MTMR3: variants seen among roughly 807,000 people sequenced by gnomAD.
The protein encoded by MTMR3 is phosphatidylinositol-3,5-bisphosphate 3-phosphatase MTMR3.
A neutral mutation model predicts 132.4 loss-of-function variants in MTMR3; 32 were observed. The ratio of observed to expected loss-of-function variants is 0.24; its 90% CI spans 0.18 to 0.32. MTMR3 has a LOEUF of 0.32. Among genes scored for constraint, MTMR3 ranks in the 10% least tolerant of loss-of-function variants. The pLI, the probability that MTMR3 is intolerant of heterozygous loss-of-function variation, is 1.00. For missense variants in MTMR3, 1,216 were observed against 1,489.6 expected, an observed-to-expected ratio of 0.82 and a Z score of 3.02; for synonymous variants, 556 against 550.3, an observed-to-expected ratio of 1.01 and a Z score of -0.14.
chr22:30,020,759 A>G lies in MTMR3; in HGVS notation c.3100A>G (p.Ile1034Val), dbSNP rs762155768. The G allele has an allele frequency of 1.2e-6, 2 of 1,614,194 alleles. No individual in the cohort carries two copies. Among genetic ancestry groups the G allele is most frequent in the Non-Finnish European group, 1.7e-6 (2 of 1,180,032 alleles). ...TDTIQQRLRQ[I>V]ESGHQQEVET... is the part of the protein sequence containing the mutation. ...CACGATCCAACAGCGCCTGCGTCAG[A>G]TTGAGTCAGGCCACCAGCAGGAAGT... is the stretch of plus-strand genomic sequence containing the variant. The change falls in exon 17 of 20, where the codon ATT (isoleucine) becomes GTT (valine). Residue 1034 changes from isoleucine (I) to valine (V), a missense_variant. Ile to Val is a conservative substitution (Grantham distance 29, BLOSUM62 3). Coordinates refer to ENST00000401950, the MANE Select transcript of MTMR3 (RefSeq NM_021090.4).
intron 2 of MTMR3, among the ~76,000 whole-genome samples, chr22:29,963,111 T>A (rs76338810): frequency 0.011 from 1,618 of 151,916 alleles, 33 homozygotes; most frequent in African/African-American, 0.038. Context: ...TATCTTTTTT[T>A]CTTTTATTAT....
chr22:29,887,253 ATGT>A (rs2064696994), intron 1 of MTMR3, among the ~76,000 whole-genome samples: 1 of 152,162 alleles, frequency 6.6e-6, no homozygotes, highest in Non-Finnish European at 1.5e-5. Context: ...TTCATTACCC[ATGT>A]TGTTTCTGGC....
chr22:29,912,827 A>T lies in MTMR3; in HGVS notation c.-138+29468A>T, dbSNP rs556017985. On this transcript the variant is annotated intron_variant, in intron 1 of 19. Transcript: ENST00000401950. ...AAGATTGTGGTAAGCTAAGTATTTGAGATGTCTGTGCTACATCATCCAACT... is the reference window on the plus strand; with the variant it reads ...AAGATTGTGGTAAGCTAAGTATTTGTGATGTCTGTGCTACATCATCCAACT... 2.0e-5 allele frequency among the ~76,000 whole-genome samples: 3 copies of T among 152,344 alleles called. No individual in the cohort carries two copies. In the East Asian group the frequency reaches 5.8e-4, roughly 29 times the overall value.
Position 29,924,478 on chromosome 22 carries a change from T to A in MTMR3, c.-137-32558T>A, listed in dbSNP as rs564249435. On this transcript the variant is annotated intron_variant, in intron 1 of 19. Transcript: ENST00000401950. The stretch of plus-strand genomic sequence containing the variant: ...TTGTTTACTGCAGCTTTGTAGTAAG[T>A]TTTGCAGTCAGTTAGTGTGAGTTCT... Among the ~76,000 whole-genome samples the A allele has an allele frequency of 2.0e-5, 3 of 152,334 alleles. No homozygotes were observed. In the East Asian group the frequency reaches 5.8e-4, roughly 29 times the overall value.
In MTMR3 at chr22:29,978,425, GT is replaced by G. The variant is rs754999453; in HGVS notation, c.4-13del. On this transcript the variant is annotated splice_polypyrimidine_tract_variant and intron_variant, in intron 3 of 19. Coordinates refer to ENST00000401950, the MANE Select transcript of MTMR3 (RefSeq NM_021090.4). ...TTAGAAGCTTTGAAATTATTTTAAG[GT>G]TTTGGACTTTTCCAGGATGAAGAGA... is the stretch of plus-strand genomic sequence containing the variant. The G allele has an allele frequency of 3.8e-6, 6 of 1,597,402 alleles. No individual in the cohort carries two copies. The highest frequency in any genetic ancestry group is 5.1e-6 in the Non-Finnish European group (6 of 1,168,316).
chr22:30,006,028 C>A (rs560695016), intron 9 of MTMR3: 2 of 152,202 alleles, frequency 1.3e-5, no homozygotes, highest in African/African-American at 4.8e-5. Context: ...TGTTAATTGT[C>A]GTACAATAAG....
At chr22:29,916,074 T>C (rs1368389869) in intron 1 of MTMR3, among the ~76,000 whole-genome samples, 1 of 152,252 alleles carries the variant, frequency 6.6e-6, no homozygotes, top group African/African-American at 2.4e-5. Flanking sequence ...CATTTTACTT[T>C]TGGATATGTT....
At chr22:29,941,653 C>G (rs547644652) in intron 1 of MTMR3, among the ~76,000 whole-genome samples, 10 of 152,276 alleles carry the variant, frequency 6.6e-5, no homozygotes, top group African/African-American at 2.4e-4. Context: ...TCCCTGATGA[C>G]TGATTTGAGA....
intron 1 of MTMR3, among the ~76,000 whole-genome samples, chr22:29,925,835 A>T (rs1221065118): frequency 6.6e-6 from 1 of 152,184 alleles, no homozygotes; most frequent in Non-Finnish European, 1.5e-5. Flanking sequence ...GAATCACTTG[A>T]ACTCAAGATG....
In MTMR3 at chr22:29,948,862, T is replaced by C. The variant is rs184286025; in HGVS notation, c.-137-8174T>C. Among the ~76,000 whole-genome samples the C allele has an allele frequency of 3.7e-3, 564 of 151,158 alleles. 1 individual carries two copies. Among genetic ancestry groups the C allele is most frequent in the Non-Finnish European group, 6.2e-3 (418 of 67,858 alleles). ...ACTCATGCCTGTAATTCCAACACTT[T>C]GGGAGGCTGAGGCAGGAGGATTGCT... On this transcript the variant is annotated intron_variant, in intron 1 of 19. Coordinates refer to ENST00000401950, the MANE Select transcript of MTMR3 (RefSeq NM_021090.4).
In MTMR3 at chr22:30,019,793, A is replaced by G. The variant is rs555413140; in HGVS notation, c.2134A>G (p.Ile712Val). 1 of 1,614,222 alleles carries G rather than the reference A, an allele frequency of 6.2e-7. No individual in the cohort carries two copies. Among genetic ancestry groups the G allele is most frequent in the South Asian group, 1.1e-5 (1 of 91,092 alleles). Reference sequence around the variant, plus strand: ...AGAGGAACCTGCCCACAGGGCAGGCATTGAGATACAGGAGGGTAAAGAGGA... The same window carrying G: ...AGAGGAACCTGCCCACAGGGCAGGCGTTGAGATACAGGAGGGTAAAGAGGA... ...GVEEPAHRAG[I>V]EIQEGKEDPL... The change falls in exon 17 of 20, where the codon ATT (isoleucine) becomes GTT (valine). Residue 712 changes from isoleucine (I) to valine (V), a missense_variant. Ile to Val is a conservative substitution (Grantham distance 29). Coordinates refer to ENST00000401950, the MANE Select transcript of MTMR3 (RefSeq NM_021090.4).
chr22:29,974,476 A>G (rs960054677), intron 3 of MTMR3, among the ~76,000 whole-genome samples: 1 of 152,242 alleles, frequency 6.6e-6, no homozygotes, highest in Admixed American at 6.5e-5. Context: ...TAGCTTTTAA[A>G]AAGAACATTT....
chr22:29,927,939 GTTTTTTTTT>G (rs764629136), intron 1 of MTMR3, among the ~76,000 whole-genome samples: 1 of 107,374 alleles, frequency 9.3e-6, no homozygotes, highest in Non-Finnish European at 1.8e-5. Flanking sequence ...TCTAGCCTTT[GTTTTTTTTT>G]TTTTTTTTTT....
chr22:29,923,368 A>G (rs1035981827), intron 1 of MTMR3, among the ~76,000 whole-genome samples: 1 of 151,110 alleles, frequency 6.6e-6, no homozygotes, highest in African/African-American at 2.4e-5. Flanking sequence ...CACTGTGCCC[A>G]GCTTGTATTT....
intron 2 of MTMR3, among the ~76,000 whole-genome samples, chr22:29,966,677 T>C (rs777161418): frequency 6.6e-5 from 10 of 151,978 alleles, no homozygotes; most frequent in Middle Eastern, 3.2e-3. Flanking sequence ...TTTTCAAAAA[T>C]AAAAGGTTAG....
In MTMR3 at chr22:30,012,566, G is replaced by A. The variant is rs1398192278; in HGVS notation, c.1317+3G>A. The A allele has an allele frequency of 1.3e-6, 2 of 1,594,522 alleles. No individual in the cohort carries two copies. Among genetic ancestry groups the A allele is most frequent in the Admixed American group, 1.8e-5 (1 of 56,502 alleles). On this transcript the variant is annotated splice_donor_region_variant and intron_variant, in intron 13 of 19. Coordinates refer to ENST00000401950, the MANE Select transcript of MTMR3 (RefSeq NM_021090.4). ...ACCCTTATTACCGAACCATAGAGGTGAGCCCATCCAAATGGGAGGGGTTGG... is the reference window on the plus strand; with the variant it reads ...ACCCTTATTACCGAACCATAGAGGTAAGCCCATCCAAATGGGAGGGGTTGG...
At chr22:29,916,888 A>G (rs541979380) in intron 1 of MTMR3, among the ~76,000 whole-genome samples, 1 of 152,276 alleles carries the variant, frequency 6.6e-6, no homozygotes, top group Admixed American at 6.5e-5. Context: ...CTGCTACTTT[A>G]CCAATTGCTC....
intron 1 of MTMR3, among the ~76,000 whole-genome samples, chr22:29,928,147 G>A (rs1168503048): frequency 6.7e-6 from 1 of 148,646 alleles, no homozygotes; most frequent in Non-Finnish European, 1.5e-5. Flanking sequence ...TCGTCTGTAC[G>A]GGTAATCACT....
chr22:29,953,536 G>C (rs1218794281), intron 1 of MTMR3, among the ~76,000 whole-genome samples: 1 of 152,104 alleles, frequency 6.6e-6, no homozygotes, highest in African/African-American at 2.4e-5. Context: ...TTACAGAAAG[G>C]GACTTAGAGT....
Sources: allele counts gnomAD v4.1 joint callset (sites outside exome capture counted in the v4.1 genomes callset), GRCh38; gene constraint gnomAD v4.1.1; transcripts MANE v1.5; gene names NCBI Gene and HGNC (gene_info 2026-07-23, HGNC 2026-07-21).